Variants in CMC1 observed in about 807,000 individuals in gnomAD.
The protein encoded by CMC1 is COX assembly mitochondrial protein homolog.
CMC1 carries 14 observed loss-of-function variants against 14.1 expected under a neutral mutation model. The ratio of observed to expected loss-of-function variants is 0.99; its 90% confidence interval spans 0.66 to 1.55. The LOEUF (loss-of-function observed/expected upper bound fraction) is 1.55, where lower values mean the gene tolerates loss of function less well. CMC1 is among the 40% of genes most tolerant of loss of function. The pLI is 0.00. For missense variants in CMC1, 127 were observed against 123.8 expected, an observed-to-expected ratio of 1.03 and a Z score of -0.12; for synonymous variants, 50 against 38.4, an observed-to-expected ratio of 1.30 and a Z score of -1.12.
chr3:28,265,610 C>T (rs535379817), intron 2 of CMC1, among the ~76,000 whole-genome samples: 24 of 151,692 alleles, frequency 1.6e-4, no homozygotes, highest in South Asian at 1.0e-3. Context: ...AAAGCTTTTC[C>T]GTTAGATTTT....
At chr3:28,253,611 C>A in intron 1 of CMC1, 11 of 439,770 alleles carry the variant, frequency 2.5e-5, no homozygotes, top group Non-Finnish European at 4.2e-5. Flanking sequence ...AAAAAACCCC[C>A]CAAAAAACTC....
intron 2 of CMC1, among the ~76,000 whole-genome samples, chr3:28,308,518 G>C (rs572070801): frequency 6.6e-6 from 1 of 152,182 alleles, no homozygotes; most frequent in South Asian, 2.1e-4. Flanking sequence ...GGAAAAATAA[G>C]ATCAATAAGT....
chr3:28,309,647 G>A (rs1378774844), intron 2 of CMC1, among the ~76,000 whole-genome samples: 4 of 151,844 alleles, frequency 2.6e-5, no homozygotes, highest in Non-Finnish European at 5.9e-5. Flanking sequence ...CTTATTTCCA[G>A]TTCTGTTTCC....
intron 2 of CMC1, among the ~76,000 whole-genome samples, chr3:28,270,560 G>A (rs889096333): frequency 1.3e-5 from 2 of 152,072 alleles, no homozygotes; most frequent in Non-Finnish European, 2.9e-5. Context: ...GTCTTGAAAA[G>A]TGTCTGTTCA....
At chr3:28,247,014 G>A (rs912495616) in intron 1 of CMC1, among the ~76,000 whole-genome samples, 1 of 151,970 alleles carries the variant, frequency 6.6e-6, no homozygotes, top group African/African-American at 2.4e-5. Flanking sequence ...TCAATCGTTT[G>A]TACTCTGTTA....
At chr3:28,318,252 G>T (rs1703031608) in intron 3 of CMC1, 1 of 151,456 alleles carries the variant, frequency 6.6e-6, no homozygotes, top group Non-Finnish European at 1.5e-5. Context: ...ACTATGATCT[G>T]ATTTCTGTCC....
intron 1 of CMC1, among the ~76,000 whole-genome samples, chr3:28,257,922 A>G (rs926594922): frequency 1.3e-5 from 2 of 152,070 alleles, no homozygotes; most frequent in African/African-American, 4.8e-5. Context: ...CCCATCAGCA[A>G]GATATGAAAG....
intron 2 of CMC1, among the ~76,000 whole-genome samples, chr3:28,275,702 A>C (rs1182888377): frequency 1.3e-5 from 2 of 152,064 alleles, no homozygotes; most frequent in Non-Finnish European, 2.9e-5. Context: ...AGTTTCTCAG[A>C]GCCAGCAGGG....
At chr3:28,288,475 C>T (rs1701309800) in intron 2 of CMC1, among the ~76,000 whole-genome samples, 7 of 151,748 alleles carry the variant, frequency 4.6e-5, no homozygotes, top group Admixed American at 1.3e-4. Context: ...TTCTCATTAC[C>T]GTAAATGTAA....
chr3:28,318,316 A>C (rs993182676), intron 3 of CMC1: 1 of 151,864 alleles, frequency 6.6e-6, no homozygotes, highest in Middle Eastern at 3.2e-3. Flanking sequence ...ATGGTAGACA[A>C]ATCCAACAAA....
At chr3:28,261,991 A>G (rs547709006) in intron 1 of CMC1, among the ~76,000 whole-genome samples, 51 of 152,254 alleles carry the variant, frequency 3.3e-4, no homozygotes, top group South Asian at 2.7e-3. Flanking sequence ...CTTTTTCTGT[A>G]GGGTTTGAAG....
chr3:28,253,411 T>C (rs1392487945), intron 1 of CMC1, among the ~76,000 whole-genome samples: 1 of 152,102 alleles, frequency 6.6e-6, no homozygotes, highest in Non-Finnish European at 1.5e-5. Flanking sequence ...ATCCCATCTC[T>C]ATAAAGTACA....
intron 2 of CMC1, among the ~76,000 whole-genome samples, chr3:28,273,354 G>A (rs751958359): frequency 2.0e-5 from 3 of 152,014 alleles, no homozygotes; most frequent in Non-Finnish European, 2.9e-5. Context: ...TATTTACCCC[G>A]GAGCCATTCA....
intron 2 of CMC1, among the ~76,000 whole-genome samples, chr3:28,270,927 T>C (rs1456923519): frequency 5.6e-5 from 8 of 143,922 alleles, no homozygotes; most frequent in African/African-American, 1.6e-4. Flanking sequence ...TTTCTTTTTT[T>C]TTTTTTTTTT....
At chr3:28,305,737 A>AT (rs1387888179) in intron 2 of CMC1, among the ~76,000 whole-genome samples, 2 of 140,820 alleles carry the variant, frequency 1.4e-5, no homozygotes, top group Non-Finnish European at 3.0e-5. Flanking sequence ...TTAGTCATAA[A>AT]TTTTTTGCCT....
chr3:28,306,420 T>C (rs892007124), intron 2 of CMC1, among the ~76,000 whole-genome samples: 2 of 151,998 alleles, frequency 1.3e-5, no homozygotes, highest in Non-Finnish European at 2.9e-5. Context: ...TCTACCTAGG[T>C]ATTTGTGTGT....
intron 2 of CMC1, among the ~76,000 whole-genome samples, chr3:28,273,785 T>C (rs979353511): frequency 7.9e-5 from 12 of 152,242 alleles, no homozygotes; most frequent in African/African-American, 2.9e-4. Flanking sequence ...TGGGTCCTCC[T>C]ATATTAGGTG....
Position 28,241,656 on chromosome 3 carries a change from T to A in CMC1, c.-138T>A. 8.1e-7 allele frequency: 1 copy of A among 1,233,526 alleles called. No homozygotes were observed. Among genetic ancestry groups the A allele is most frequent in the Non-Finnish European group, 1.0e-6 (1 of 987,836 alleles). The allele number at this position is 1,233,526 out of a possible 1,614,324, so 76.4% of individuals were successfully genotyped here. ...AAGAGGGAACGGGTCCTGGCGGTGC[T>A]TTGCAAAGGGCCCGTGTTTCTGTTG... is the stretch of plus-strand genomic sequence containing the variant. On this transcript the variant is annotated 5_prime_UTR_variant, in exon 1 of 4. Transcript: ENST00000466830.
chr3:28,243,536 A>C (rs1161055380), intron 1 of CMC1, among the ~76,000 whole-genome samples: 1 of 152,208 alleles, frequency 6.6e-6, no homozygotes, highest in Non-Finnish European at 1.5e-5. Context: ...AGTTACTCAT[A>C]AGCCACTCCA....
Sources: gnomAD v4.1 joint callset for allele counts (sites outside exome capture counted in the v4.1 genomes callset) on GRCh38, gnomAD v4.1.1 for gene constraint, MANE v1.5 for transcripts, NCBI Gene and HGNC (gene_info 2026-07-23, HGNC 2026-07-21) for gene names.